The following ZNF432 variants were observed in gnomAD, a reference collection of about 807,000 sequenced individuals.
ZNF432 encodes zinc finger protein 432.
Under a neutral mutation model 13.9 loss-of-function variants are expected in ZNF432, and 10 were observed. That is an observed-to-expected ratio of 0.72 (90% CI 0.44 to 1.22). The LOEUF (loss-of-function observed/expected upper bound fraction) is 1.22, where lower values mean the gene tolerates loss of function less well. ZNF432 is among the 50% of genes most tolerant of loss of function. The pLI is 0.00. For missense variants in ZNF432, 793 were observed against 796.2 expected (o/e 1.00, Z 0.05); for synonymous variants, 247 against 256.2 (o/e 0.96, Z 0.34).
chr19:52,043,261 AC>A lies in ZNF432; in HGVS notation c.16-1656del, dbSNP rs1362806555. Among the ~76,000 whole-genome samples, 12 of 152,152 alleles carry A rather than the reference AC, an allele frequency of 7.9e-5. No individual in the cohort carries two copies. In the South Asian group the frequency reaches 1.5e-3, roughly 18 times the overall value. Reference sequence around the variant, plus strand: ...TGAGATTCTGTTAATCTATGACCTTACCCCCAACCCCGTGCTCTCGGAAACA... The same window carrying A: ...TGAGATTCTGTTAATCTATGACCTTACCCCAACCCCGTGCTCTCGGAAACA... On this transcript the variant is annotated intron_variant, in intron 2 of 4. Transcript: ENST00000221315.
At position 52,032,085 on chromosome 19, in the gene ZNF432, G is replaced by A. The variant is rs960444260; in HGVS notation, c.*1635C>T. 1 of 152,104 alleles carries A rather than the reference G, an allele frequency of 6.6e-6. No homozygotes were observed. The highest frequency in any genetic ancestry group is 1.5e-5 in the Non-Finnish European group (1 of 68,026). The allele number at this position is 152,104 out of a possible 1,614,324, so 9.4% of individuals were successfully genotyped here. ...TTTTGTATATTTTGTAATCTCTTGT[G>A]AATCTAGAATTATTTCAAAACAAAT... On this transcript the variant is annotated 3_prime_UTR_variant, in exon 5 of 5. Coordinates refer to ENST00000221315, the MANE Select transcript of ZNF432 (RefSeq NM_014650.4).
chr19:52,044,488 T>G (rs1215144041), intron 2 of ZNF432, among the ~76,000 whole-genome samples: 9 of 151,758 alleles, frequency 5.9e-5, no homozygotes, highest in Admixed American at 5.9e-4. Context: ...AACTTTGCAA[T>G]AAACAAAAGA....
At chr19:52,038,536 C>A (rs1196980543) in intron 4 of ZNF432, among the ~76,000 whole-genome samples, 4 of 152,166 alleles carry the variant, frequency 2.6e-5, no homozygotes, top group African/African-American at 9.7e-5. Flanking sequence ...GTGTTCCCCC[C>A]ACCTAGGCCT....
At chr19:52,043,332 A>G (rs142287241) in intron 2 of ZNF432, among the ~76,000 whole-genome samples, 1,667 of 152,316 alleles carry the variant, frequency 0.011, 13 homozygotes, top group Non-Finnish European at 0.018. Flanking sequence ...GGGCGGTGCA[A>G]GATGTGCTTT....
At chr19:52,047,546 C>A (rs1002335983) in intron 1 of ZNF432, among the ~76,000 whole-genome samples, 3 of 152,060 alleles carry the variant, frequency 2.0e-5, no homozygotes, top group Non-Finnish European at 4.4e-5. Flanking sequence ...GGCATGGTGG[C>A]AGGCACCTGT....
chr19:52,040,734 A>C (rs2087127202), intron 3 of ZNF432, 151 bp from the exon 4 acceptor site: 2 of 609,812 alleles, frequency 3.3e-6, no homozygotes, highest in African/African-American at 3.7e-5. Flanking sequence ...TCAGACCTTA[A>C]TATCTGAAAA....
Position 52,035,418 on chromosome 19 carries a change from A to G in ZNF432, c.261T>C (p.His87=). ...TTTGATTTTCCAAGTGATCCTGCAG[A>G]TGATCATCAACTTCGTTGTTTTCTA... ...ICPENNEVDD[H]LQDHLENQRM... Residue 87 remains histidine, a synonymous_variant, in exon 5 of 5, where the codon CAT becomes CAC. Coordinates refer to ENST00000221315, the MANE Select transcript of ZNF432 (RefSeq NM_014650.4). The G allele has an allele frequency of 6.4e-7, 1 of 1,553,970 alleles. No individual in the cohort carries two copies. The highest frequency in any genetic ancestry group is 8.6e-7 in the Non-Finnish European group (1 of 1,156,154).
chr19:52,044,710 A>G (rs568742211), intron 2 of ZNF432, among the ~76,000 whole-genome samples: 28 of 152,362 alleles, frequency 1.8e-4, no homozygotes, highest in Non-Finnish European at 2.6e-4. Flanking sequence ...TGATAATGTC[A>G]TATTTTTAAG....
Position 52,035,323 on chromosome 19 carries a change from C to T in ZNF432, c.356G>A (p.Ser119Asn), listed in dbSNP as rs781747810. The change falls in exon 5 of 5, where the codon AGC (serine) becomes AAC (asparagine). Residue 119 changes from serine (S) to asparagine (N), a missense_variant. Physicochemically the swap from Ser to Asn is conservative, Grantham distance 46. Coordinates refer to ENST00000221315, the MANE Select transcript of ZNF432 (RefSeq NM_014650.4). ...ATGATTTTCCCTGAAAAGACAAAGG[C>T]TTTTGGTTTGAGAGGCAGTATTTCC... ...AFGNTASQTK[S>N]LCLFRENHDT... 1.2e-6 allele frequency: 2 copies of T among 1,612,476 alleles called. No homozygotes were observed. Among genetic ancestry groups the T allele is most frequent in the African/African-American group, 2.7e-5 (2 of 74,776 alleles).
At position 52,035,049 on chromosome 19, in the gene ZNF432, A is replaced by C; in HGVS notation, c.630T>G (p.Cys210Trp). The part of the protein sequence containing the change: ...EIEKNHVCSE[C>W]GKAFVKKSQL... ...GAGACTTCTTGACAAACGCTTTCCCACATTCACTGCATACGTGGTTTTTTT... is the reference window on the plus strand; with the variant it reads ...GAGACTTCTTGACAAACGCTTTCCCCCATTCACTGCATACGTGGTTTTTTT... Residue 210 changes from cysteine (C) to tryptophan (W), a missense_variant, in exon 5 of 5, where the codon TGT (cysteine) becomes TGG (tryptophan). Coordinates refer to ENST00000221315, the MANE Select transcript of ZNF432 (RefSeq NM_014650.4). 6.2e-7 allele frequency: 1 copy of C among 1,614,136 alleles called. No homozygotes were observed. Among genetic ancestry groups the C allele is most frequent in the Non-Finnish European group, 8.5e-7 (1 of 1,180,026 alleles).
Position 52,033,701 on chromosome 19 carries a change from G to T in ZNF432, c.*19C>A. The T allele has an allele frequency of 5.2e-6, 8 of 1,549,734 alleles. No individual in the cohort carries two copies. The South Asian group carries it at 8.9e-5, about 17-fold the overall frequency. On this transcript the variant is annotated 3_prime_UTR_variant, in exon 5 of 5. Coordinates refer to ENST00000221315, the MANE Select transcript of ZNF432 (RefSeq NM_014650.4). Reference sequence around the variant, plus strand: ...AGGCAGATTTTCTTCCCAAAGGCATGAACATGTCCACTGCATTGTCAGGGT... The same window carrying T: ...AGGCAGATTTTCTTCCCAAAGGCATTAACATGTCCACTGCATTGTCAGGGT...
chr19:52,040,714 C>G, intron 3 of ZNF432, 131 bp from the exon 4 acceptor site: 2 of 695,734 alleles, frequency 2.9e-6, no homozygotes. Context: ...CAGGAAAGGG[C>G]AGATTACAGT....
chr19:52,037,819 A>G (rs2123150296), intron 4 of ZNF432, among the ~76,000 whole-genome samples: 1 of 151,086 alleles, frequency 6.6e-6, no homozygotes, highest in Non-Finnish European at 1.5e-5. Flanking sequence ...GGTCATATCC[A>G]ATTTTTCCCA....
chr19:52,031,673 C>G lies in ZNF432; in HGVS notation c.*2047G>C, dbSNP rs1778457094. ...AATGGGATCAGTGGCTACCATGGGT[C>G]ATATTGGGAGGACAGTGTGAGTATA... On this transcript the variant is annotated 3_prime_UTR_variant, in exon 5 of 5. Transcript: ENST00000221315. The G allele has an allele frequency of 2.0e-5, 3 of 152,102 alleles. No homozygotes were observed. Among genetic ancestry groups the G allele is most frequent in the Admixed American group, 2.0e-4 (3 of 15,258 alleles). The allele number at this position is 152,102 out of a possible 1,614,324, so 9.4% of individuals were successfully genotyped here. A position where few individuals can be genotyped will look rare whatever the true frequency, so the allele number is the denominator to read the frequency against.
chr19:52,038,338 G>A (rs2087104234), intron 4 of ZNF432, among the ~76,000 whole-genome samples: 1 of 152,152 alleles, frequency 6.6e-6, no homozygotes, highest in Non-Finnish European at 1.5e-5. Context: ...TGCCCAGGCT[G>A]GAGTGCAATG....
In ZNF432 at chr19:52,034,321, C is replaced by A; in HGVS notation, c.1358G>T (p.Gly453Val). The A allele has an allele frequency of 6.2e-7, 1 of 1,609,812 alleles. No homozygotes were observed. Among genetic ancestry groups the A allele is most frequent in the Non-Finnish European group, 8.5e-7 (1 of 1,177,284 alleles). ...MLIIHQRTHT[G>V]EKPYTCSECG... ...TTCACTGCATGTGTAGGGCTTCTCT[C>A]CTGTATGAGTTCGCTGATGTATGAT... The change falls in exon 5 of 5, where the codon GGA (glycine) becomes GTA (valine). Residue 453 changes from glycine to valine, a missense_variant. Transcript: ENST00000221315.
intron 4 of ZNF432, among the ~76,000 whole-genome samples, chr19:52,039,313 T>G (rs111291609): frequency 1.3e-5 from 2 of 152,110 alleles, no homozygotes; most frequent in East Asian, 1.9e-4. Context: ...AGCCAAAAAG[T>G]AGAAATAACC....
Position 52,034,353 on chromosome 19 carries a change from G to A in ZNF432, c.1326C>T (p.Ser442=). The A allele has an allele frequency of 6.2e-7, 1 of 1,613,838 alleles. No individual in the cohort carries two copies. Among genetic ancestry groups the A allele is most frequent in the East Asian group, 2.2e-5 (1 of 44,874 alleles). The part of the protein sequence containing the change: ...SECGKGFTVK[S]MLIIHQRTHT... ...GAGTTCGCTGATGTATGATGAGCAT[G>A]CTTTTCACAGTAAAACCTTTTCCAC... Residue 442 remains serine (S), a synonymous_variant, in exon 5 of 5, where the codon AGC becomes AGT. Transcript: ENST00000221315.
chr19:52,035,457 C>T lies in ZNF432; in HGVS notation c.239-17G>A, dbSNP rs529800878. On this transcript the variant is annotated splice_polypyrimidine_tract_variant and intron_variant, in intron 4 of 4. Transcript: ENST00000221315. ...CGTTGTTTTCTAGGAAAGAAGAGAA[C>T]AATGAATCCTTTTATAATCTTGTTG... 2 of 1,510,832 alleles carry T rather than the reference C, an allele frequency of 1.3e-6. No homozygotes were observed. The highest frequency in any genetic ancestry group is 2.7e-5 in the South Asian group (2 of 73,394). The allele number at this position is 1,510,832 out of a possible 1,614,324, so 93.6% of individuals were successfully genotyped here.
Sources: gnomAD v4.1 joint callset for allele counts (sites outside exome capture counted in the v4.1 genomes callset) on GRCh38, gnomAD v4.1.1 for gene constraint, MANE v1.5 for transcripts, NCBI Gene and HGNC (gene_info 2026-07-23, HGNC 2026-07-21) for gene names.